Variants in RALGAPA1 observed in about 807,000 individuals in gnomAD.
The protein encoded by RALGAPA1 is ral GTPase-activating protein subunit alpha-1.
Under a neutral mutation model 269.6 loss-of-function variants are expected in RALGAPA1, and 52 were observed. That is an observed-to-expected ratio of 0.19 (90% CI 0.15 to 0.24). RALGAPA1 has a LOEUF of 0.24. Among genes scored for constraint, RALGAPA1 ranks in the 10% least tolerant of loss-of-function variants. RALGAPA1 has a pLI of 1.00. For missense variants in RALGAPA1, 1,917 were observed against 3,013.9 expected, an observed-to-expected ratio of 0.64 and a Z score of 8.52; for synonymous variants, 817 against 1,008.3, an observed-to-expected ratio of 0.81 and a Z score of 3.60.
At chr14:35,794,288 A>C (rs996025178) in intron 1 of RALGAPA1, among the ~76,000 whole-genome samples, 1 of 152,028 alleles carries the variant, frequency 6.6e-6, no homozygotes, top group African/African-American at 2.4e-5. Context: ...CAGTCAGGGC[A>C]ACATAGGGAA....
Position 35,678,900 on chromosome 14 carries a change from A to G in RALGAPA1, c.4472-798T>C, listed in dbSNP as rs112102062. On this transcript the variant is annotated intron_variant, in intron 21 of 41. Coordinates refer to ENST00000680220, the MANE Select transcript of RALGAPA1 (RefSeq NM_001346249.2). ...GAGAAGCCTACTCCTGATTCTGCCAAGTATGATTACAGAGTCTCTGCTAGA... is the reference window on the plus strand; with the variant it reads ...GAGAAGCCTACTCCTGATTCTGCCAGGTATGATTACAGAGTCTCTGCTAGA... Among the ~76,000 whole-genome samples the G allele has an allele frequency of 7.6e-4, 115 of 152,268 alleles. 1 individual carries two copies. Among genetic ancestry groups the G allele is most frequent in the African/African-American group, 2.5e-3 (105 of 41,552 alleles).
At chr14:35,548,863 G>C (rs560866938) in intron 40 of RALGAPA1, among the ~76,000 whole-genome samples, 1 of 152,240 alleles carries the variant, frequency 6.6e-6, no homozygotes, top group African/African-American at 2.4e-5. Flanking sequence ...AGATGCAAGA[G>C]TCATTGAATA....
rs1303564377 is a variant in RALGAPA1, at chr14:35,748,656, T to C, written c.1180A>G (p.Ile394Val). The change falls in exon 10 of 42, where the codon ATT becomes GTT. Residue 394 changes from isoleucine to valine, a missense_variant. Ile to Val is a conservative substitution (Grantham distance 29). This residue lies in a region of RALGAPA1 where 462 missense variants were observed against 725.6 expected (regional missense o/e 0.64). Transcript: ENST00000680220. ...GAAAAAACTCTGCGAACTATTTCAA[T>C]GTCTGTGAGATGTTCTTCATCAATA... ...CSIDEEHLTD[I>V]EIVRRVFSSK... 1.2e-6 allele frequency: 2 copies of C among 1,612,366 alleles called. No individual in the cohort carries two copies. Among genetic ancestry groups the C allele is most frequent in the African/African-American group, 1.3e-5 (1 of 74,854 alleles).
intron 22 of RALGAPA1, chr14:35,677,146 G>A (rs1366691725): frequency 1.3e-5 from 2 of 152,232 alleles, no homozygotes; most frequent in African/African-American, 4.8e-5. Context: ...ACCAGCCTGG[G>A]CAACATGGTG....
At chr14:35,606,149 T>C (rs943763552) in intron 35 of RALGAPA1, among the ~76,000 whole-genome samples, 1 of 152,190 alleles carries the variant, frequency 6.6e-6, no homozygotes, top group Non-Finnish European at 1.5e-5. Context: ...TCCTTCAAAG[T>C]ACTTACGAGG....
At chr14:35,808,432 C>T (rs1164896445) in intron 1 of RALGAPA1, among the ~76,000 whole-genome samples, 1 of 152,172 alleles carries the variant, frequency 6.6e-6, no homozygotes, top group Admixed American at 6.5e-5. Context: ...ACACCATTAT[C>T]CACAACGCCA....
At chr14:35,765,395 G>GT (rs1324660089) in intron 4 of RALGAPA1, among the ~76,000 whole-genome samples, 2 of 151,780 alleles carry the variant, frequency 1.3e-5, no homozygotes, top group Non-Finnish European at 2.9e-5. Context: ...GTTAAGAATT[G>GT]TTATATGTGT....
At chr14:35,792,252 G>A (rs1011233480) in intron 1 of RALGAPA1, among the ~76,000 whole-genome samples, 1 of 152,028 alleles carries the variant, frequency 6.6e-6, no homozygotes. Context: ...TTCTTCCTGG[G>A]TTCAAGAGAT....
At chr14:35,716,184 A>C in intron 16 of RALGAPA1, 2 of 554,220 alleles carry the variant, frequency 3.6e-6, no homozygotes, top group Non-Finnish European at 4.6e-6. Context: ...ACTTGAGGTC[A>C]GGAGTTCAAG....
At chr14:35,558,519 TA>T (rs1210105232) in intron 39 of RALGAPA1, among the ~76,000 whole-genome samples, 1 of 152,224 alleles carries the variant, frequency 6.6e-6, no homozygotes, top group Non-Finnish European at 1.5e-5. Context: ...TCTGATGGGC[TA>T]AAAATAGATA....
chr14:35,614,212 C>T (rs12588288), intron 35 of RALGAPA1, among the ~76,000 whole-genome samples: 1 of 152,072 alleles, frequency 6.6e-6, no homozygotes, highest in Non-Finnish European at 1.5e-5. Flanking sequence ...TATCATCCAG[C>T]AATTCTACTC....
chr14:35,799,591 A>G (rs1211785042), intron 1 of RALGAPA1, among the ~76,000 whole-genome samples: 2 of 151,864 alleles, frequency 1.3e-5, no homozygotes, highest in Admixed American at 1.3e-4. Flanking sequence ...AAAGGTATAT[A>G]CTATAAATCA....
intron 18 of RALGAPA1, among the ~76,000 whole-genome samples, chr14:35,687,019 T>C (rs915895764): frequency 2.0e-5 from 3 of 152,212 alleles, no homozygotes. Flanking sequence ...TAATTCCGTA[T>C]TTCCCCCAAA....
rs973509093 is a variant in RALGAPA1 at position 35,670,888 on chromosome 14, A to G, written c.5202+501T>C. Among the ~76,000 whole-genome samples the G allele has an allele frequency of 4.5e-4, 68 of 151,430 alleles. 1 individual carries two copies. The highest frequency in any genetic ancestry group is 1.5e-3 in the African/African-American group (62 of 41,218). On this transcript the variant is annotated intron_variant, in intron 26 of 41. Coordinates refer to ENST00000680220, the MANE Select transcript of RALGAPA1 (RefSeq NM_001346249.2). ...CAGTGAGCCAAGATCGCACCACTGC[A>G]CTCCAGCCTGGGCGACAGAGTAAGA... is the stretch of plus-strand genomic sequence containing the variant.
intron 1 of RALGAPA1, among the ~76,000 whole-genome samples, chr14:35,778,809 A>G (rs1034990143): frequency 1.3e-5 from 2 of 152,206 alleles, no homozygotes; most frequent in South Asian, 4.1e-4. Flanking sequence ...ACAGAACTAG[A>G]CAAAATAATA....
chr14:35,544,131 G>A (rs183836098), intron 41 of RALGAPA1, among the ~76,000 whole-genome samples: 1 of 152,098 alleles, frequency 6.6e-6, no homozygotes, highest in Admixed American at 6.5e-5. Flanking sequence ...GATAACAACT[G>A]GCAGAACTAG....
intron 16 of RALGAPA1, among the ~76,000 whole-genome samples, chr14:35,710,968 A>T (rs1389661154): frequency 6.6e-6 from 1 of 152,226 alleles, no homozygotes; most frequent in African/African-American, 2.4e-5. Context: ...TCGCACACTG[A>T]AGAAATCTCC....
rs1327726443 is a variant in RALGAPA1, at chr14:35,674,513, T to C, written c.4818+3A>G. 2 of 1,600,452 alleles carry C rather than the reference T, an allele frequency of 1.2e-6. No homozygotes were observed. The highest frequency in any genetic ancestry group is 8.5e-7 in the Non-Finnish European group (1 of 1,174,036). ...CCACTTATATCCGCTATTTCTTTTT[T>C]ACCTTAGCTAGATTCTGCCAAAGTT... On this transcript the variant is annotated splice_donor_region_variant and intron_variant, in intron 23 of 41. Coordinates refer to ENST00000680220, the MANE Select transcript of RALGAPA1 (RefSeq NM_001346249.2).
At chr14:35,609,273 T>C (rs934570748) in intron 35 of RALGAPA1, among the ~76,000 whole-genome samples, 1 of 151,962 alleles carries the variant, frequency 6.6e-6, no homozygotes, top group Non-Finnish European at 1.5e-5. Context: ...TTGATAAATT[T>C]AAACGATTTG....
Sources: allele counts gnomAD v4.1 joint callset (sites outside exome capture counted in the v4.1 genomes callset), GRCh38; gene constraint gnomAD v4.1.1; regional missense constraint gnomAD v4.1.1; transcripts MANE v1.5; gene names NCBI Gene and HGNC (gene_info 2026-07-23, HGNC 2026-07-21).